NKAIN3: variants seen among roughly 807,000 people sequenced by gnomAD.
The protein encoded by NKAIN3 is sodium/potassium transporting ATPase interacting 3.
Under a neutral mutation model 30.2 loss-of-function variants are expected in NKAIN3, and 25 were observed. The ratio of observed to expected loss-of-function variants is 0.83; its 90% CI spans 0.60 to 1.16. The LOEUF (loss-of-function observed/expected upper bound fraction) is 1.16, where lower values mean the gene tolerates loss of function less well. Among genes scored for constraint, NKAIN3 ranks in the 50% most tolerant of loss-of-function variants. NKAIN3 has a pLI of 0.00. For synonymous variants in NKAIN3, 91 were observed against 89.6 expected, an observed-to-expected ratio of 1.02 and a Z score of -0.09; for missense variants, 225 against 254.1, an observed-to-expected ratio of 0.89 and a Z score of 0.78.
intron 3 of NKAIN3, among the ~76,000 whole-genome samples, chr8:62,714,040 G>A (rs886796162): frequency 3.9e-5 from 6 of 151,974 alleles, no homozygotes; most frequent in East Asian, 1.9e-4. Flanking sequence ...ATGTTTCATC[G>A]ATAAAAGTTT....
intron 3 of NKAIN3, among the ~76,000 whole-genome samples, chr8:62,738,455 CG>C (rs1445111245): frequency 6.6e-6 from 1 of 151,796 alleles, no homozygotes; most frequent in Non-Finnish European, 1.5e-5. Flanking sequence ...AAAAATTAGC[CG>C]GGCATGGTGG....
chr8:62,511,506 C>G (rs1470274279), intron 1 of NKAIN3, among the ~76,000 whole-genome samples: 2 of 152,136 alleles, frequency 1.3e-5, no homozygotes, highest in Admixed American at 6.5e-5. Context: ...ATGATTTTTT[C>G]TAAACAATAG....
At chr8:62,311,009 GA>G (rs1380117854) in intron 1 of NKAIN3, among the ~76,000 whole-genome samples, 3 of 150,482 alleles carry the variant, frequency 2.0e-5, no homozygotes, top group Non-Finnish European at 4.4e-5. Flanking sequence ...CTAGACAACA[GA>G]GAGGTTATCT....
At chr8:62,292,100 C>G (rs1219446226) in intron 1 of NKAIN3, among the ~76,000 whole-genome samples, 1 of 152,106 alleles carries the variant, frequency 6.6e-6, no homozygotes, top group African/African-American at 2.4e-5. Context: ...GTAGATCTTC[C>G]TCCATCCCTT....
chr8:62,818,490 C>T (rs1446455245), intron 4 of NKAIN3, among the ~76,000 whole-genome samples: 3 of 152,070 alleles, frequency 2.0e-5, no homozygotes, highest in African/African-American at 7.2e-5. Context: ...TATCTCCTTT[C>T]CTAGTAATCA....
intron 3 of NKAIN3, among the ~76,000 whole-genome samples, chr8:62,740,864 G>A (rs1413831057): frequency 2.0e-5 from 3 of 151,906 alleles, no homozygotes; most frequent in East Asian, 3.9e-4. Flanking sequence ...ATATATTTTA[G>A]GGAAAAGGTA....
At chr8:62,459,632 A>T (rs945791145) in intron 1 of NKAIN3, among the ~76,000 whole-genome samples, 2 of 152,212 alleles carry the variant, frequency 1.3e-5, no homozygotes, top group African/African-American at 4.8e-5. Flanking sequence ...TGGTAAGGGA[A>T]ATGTTACTTT....
chr8:62,782,819 G>T (rs982219363), intron 4 of NKAIN3, among the ~76,000 whole-genome samples: 1 of 150,340 alleles, frequency 6.7e-6, no homozygotes, highest in African/African-American at 2.5e-5. Context: ...AAAATGAAAA[G>T]AAGTTGGCTA....
chr8:62,604,135 A>G (rs1811055969), intron 3 of NKAIN3, among the ~76,000 whole-genome samples: 1 of 152,132 alleles, frequency 6.6e-6, no homozygotes, highest in Admixed American at 6.6e-5. Context: ...GAGGACTAAT[A>G]GAAAATAGTG....
rs895117431 is a variant in NKAIN3, at chr8:62,980,661, C to T, written c.*15254C>T. ...CTATTATATAGCTTTTTATTTTTGACATGTATCTAAACCAGAAAAAAATAT... is the reference window on the plus strand; with the variant it reads ...CTATTATATAGCTTTTTATTTTTGATATGTATCTAAACCAGAAAAAAATAT... On this transcript the variant is annotated 3_prime_UTR_variant, in exon 7 of 7. Coordinates refer to ENST00000623646, the MANE Select transcript of NKAIN3 (RefSeq NM_001304533.3). 6.6e-6 allele frequency: 1 copy of T among 152,070 alleles called. No individual in the cohort carries two copies. Among genetic ancestry groups the T allele is most frequent in the African/African-American group, 2.4e-5 (1 of 41,390 alleles). The allele number at this position is 152,070 out of a possible 1,614,324, so 9.4% of individuals were successfully genotyped here.
chr8:62,471,467 A>T (rs2129600034), intron 1 of NKAIN3, among the ~76,000 whole-genome samples: 1 of 152,304 alleles, frequency 6.6e-6, no homozygotes, highest in East Asian at 1.9e-4. Context: ...TGTCAATGTT[A>T]TTTAAAAAAA....
chr8:62,800,520 T>A (rs1818020254), intron 4 of NKAIN3, among the ~76,000 whole-genome samples: 1 of 152,182 alleles, frequency 6.6e-6, no homozygotes, highest in Non-Finnish European at 1.5e-5. Flanking sequence ...ACTAAAATCA[T>A]CATGTAGATC....
chr8:62,464,279 A>G (rs1292501365), intron 1 of NKAIN3, among the ~76,000 whole-genome samples: 2 of 152,190 alleles, frequency 1.3e-5, no homozygotes, highest in African/African-American at 2.4e-5. Context: ...GTATTCTCAA[A>G]TTAAAACTCA....
intron 1 of NKAIN3, among the ~76,000 whole-genome samples, chr8:62,286,131 T>C (rs892323009): frequency 6.6e-6 from 1 of 152,328 alleles, no homozygotes; most frequent in South Asian, 2.1e-4. Flanking sequence ...AAGGAAGTGA[T>C]CATTCCAGAT....
chr8:62,863,467 T>C, intron 4 of NKAIN3: 3 of 1,553,464 alleles, frequency 1.9e-6, no homozygotes, highest in Non-Finnish European at 2.6e-6. Context: ...TTGAAGGAAA[T>C]GTCAAATGAT....
intron 5 of NKAIN3, among the ~76,000 whole-genome samples, chr8:62,930,339 C>T (rs997413685): frequency 6.6e-6 from 1 of 152,004 alleles, no homozygotes; most frequent in African/African-American, 2.4e-5. Context: ...CTGCAACCTC[C>T]GCCTCTCCGG....
intron 4 of NKAIN3, among the ~76,000 whole-genome samples, chr8:62,896,825 T>G (rs78193758): frequency 0.017 from 2,605 of 152,240 alleles, 90 homozygotes; most frequent in African/African-American, 0.059. Flanking sequence ...CCATTAGATT[T>G]GACAAAATGT....
intron 1 of NKAIN3, among the ~76,000 whole-genome samples, chr8:62,350,458 G>A (rs907000160): frequency 2.6e-5 from 4 of 152,092 alleles, no homozygotes; most frequent in Non-Finnish European, 4.4e-5. Flanking sequence ...ACTGGGGGCT[G>A]GGGACAGGGG....
chr8:62,796,217 C>T (rs766747558), intron 4 of NKAIN3, among the ~76,000 whole-genome samples: 5 of 151,596 alleles, frequency 3.3e-5, no homozygotes, highest in Admixed American at 6.6e-5. Flanking sequence ...AACCCCATCT[C>T]TACTAAAAAT....
Sources: allele counts gnomAD v4.1 joint callset (sites outside exome capture counted in the v4.1 genomes callset), GRCh38; gene constraint gnomAD v4.1.1; transcripts MANE v1.5; gene names NCBI Gene and HGNC (gene_info 2026-07-23, HGNC 2026-07-21).